Variants in MEOX2 observed in about 807,000 individuals in gnomAD.
MEOX2 encodes the protein mesenchyme homeobox 2.
In MEOX2, 11 loss-of-function variants were observed where a neutral mutation model predicts 27.0. The observed-to-expected ratio is 0.41, with a 90% CI of 0.26 to 0.68. The LOEUF (loss-of-function observed/expected upper bound fraction) is 0.68, where lower values mean the gene tolerates loss of function less well. MEOX2 is among the 30% of genes least tolerant of loss of function. The pLI, the probability that MEOX2 is intolerant of heterozygous loss-of-function variation, is 0.33. For missense variants in MEOX2, 436 were observed against 385.4 expected (o/e 1.13, Z -1.10); for synonymous variants, 189 against 155.4 (o/e 1.22, Z -1.61).
At chr7:15,651,235 C>T (rs1360935218) in intron 1 of MEOX2, among the ~76,000 whole-genome samples, 2 of 151,984 alleles carry the variant, frequency 1.3e-5, no homozygotes, top group African/African-American at 2.4e-5. Flanking sequence ...TCCCTCAATA[C>T]TGCTATGAAA....
chr7:15,626,396 C>A (rs1007834882), intron 2 of MEOX2, among the ~76,000 whole-genome samples: 1 of 151,942 alleles, frequency 6.6e-6, no homozygotes, highest in Non-Finnish European at 1.5e-5. Flanking sequence ...TCTGGGTTTA[C>A]CAACTTTCTA....
At chr7:15,625,669 A>T (rs1781291854) in intron 2 of MEOX2, among the ~76,000 whole-genome samples, 2 of 152,186 alleles carry the variant, frequency 1.3e-5, no homozygotes, top group African/African-American at 4.8e-5. Flanking sequence ...TAAGAGTGCC[A>T]ATCATAACTG....
chr7:15,641,766 A>T (rs887087959), intron 1 of MEOX2, among the ~76,000 whole-genome samples: 1 of 151,866 alleles, frequency 6.6e-6, no homozygotes, highest in African/African-American at 2.4e-5. Flanking sequence ...TTTTATTTCC[A>T]TTTTTAGAAC....
intron 1 of MEOX2, among the ~76,000 whole-genome samples, chr7:15,662,692 C>T (rs1261297728): frequency 1.3e-5 from 2 of 152,020 alleles, no homozygotes; most frequent in Non-Finnish European, 2.9e-5. Flanking sequence ...GGAGCAGGCC[C>T]CCATTCCTTC....
intron 1 of MEOX2, among the ~76,000 whole-genome samples, chr7:15,665,805 G>A (rs372725580): frequency 3.9e-5 from 6 of 152,128 alleles, no homozygotes; most frequent in South Asian, 2.1e-4. Flanking sequence ...CTGAAAGCGC[G>A]CAGCTGAATA....
chr7:15,684,724 C>T (rs1200359137), intron 1 of MEOX2, among the ~76,000 whole-genome samples: 1 of 152,174 alleles, frequency 6.6e-6, no homozygotes, highest in Non-Finnish European at 1.5e-5. Context: ...TAACCCAATT[C>T]CACAGAGGAA....
At chr7:15,623,419 G>A (rs1282352642) in intron 2 of MEOX2, among the ~76,000 whole-genome samples, 6 of 152,138 alleles carry the variant, frequency 3.9e-5, no homozygotes, top group Non-Finnish European at 7.3e-5. Context: ...ACCCAGGCAG[G>A]AGTGCAGTGG....
At chr7:15,651,503 T>C (rs1371897119) in intron 1 of MEOX2, among the ~76,000 whole-genome samples, 1 of 151,992 alleles carries the variant, frequency 6.6e-6, no homozygotes, top group Non-Finnish European at 1.5e-5. Flanking sequence ...CATAATAATA[T>C]CTAACCTCTA....
chr7:15,664,539 C>G (rs1222951868), intron 1 of MEOX2, among the ~76,000 whole-genome samples: 4 of 152,096 alleles, frequency 2.6e-5, no homozygotes, highest in Non-Finnish European at 5.9e-5. Context: ...AAGCAAGACC[C>G]CACCTTTCTA....
chr7:15,613,571 C>G (rs1300024262), intron 2 of MEOX2, among the ~76,000 whole-genome samples: 1 of 151,984 alleles, frequency 6.6e-6, no homozygotes, highest in Non-Finnish European at 1.5e-5. Context: ...TCTACCCCAC[C>G]TAAAAGTACC....
intron 1 of MEOX2, among the ~76,000 whole-genome samples, chr7:15,637,370 C>T (rs73302414): frequency 0.034 from 5,106 of 151,980 alleles, 142 homozygotes; most frequent in African/African-American, 0.081. Flanking sequence ...TAAGTTTCTT[C>T]CAGTTAGATA....
At chr7:15,628,512 G>A (rs1256502047) in intron 1 of MEOX2, among the ~76,000 whole-genome samples, 1 of 152,122 alleles carries the variant, frequency 6.6e-6, no homozygotes, top group Non-Finnish European at 1.5e-5. Flanking sequence ...TTCTGGGCTT[G>A]TCACTTATCC....
chr7:15,655,566 G>T (rs1255684100), intron 1 of MEOX2, among the ~76,000 whole-genome samples: 1 of 151,512 alleles, frequency 6.6e-6, no homozygotes, highest in African/African-American at 2.4e-5. Flanking sequence ...TAACAATGTT[G>T]TATTTTCATT....
chr7:15,652,388 A>G (rs1343504242), intron 1 of MEOX2, among the ~76,000 whole-genome samples: 1 of 152,078 alleles, frequency 6.6e-6, no homozygotes, highest in Admixed American at 6.6e-5. Context: ...ATATGTCACA[A>G]TATCTTTTGT....
At chr7:15,637,076 T>A (rs1161110142) in intron 1 of MEOX2, among the ~76,000 whole-genome samples, 1 of 152,120 alleles carries the variant, frequency 6.6e-6, no homozygotes, top group Admixed American at 6.6e-5. Context: ...CTAACTTTAA[T>A]ATTCTGTTGG....
rs542564379 is a variant in MEOX2 at position 15,637,323 on chromosome 7, G to A, written c.518-10405C>T. On this transcript the variant is annotated intron_variant, in intron 1 of 2. Coordinates refer to ENST00000262041, the MANE Select transcript of MEOX2 (RefSeq NM_005924.5). ...ATTCAGGCACTCAAAACTCACATAC[G>A]TCATAGGTTACATCTTATAATTTCT... Among the ~76,000 whole-genome samples the A allele has an allele frequency of 3.3e-5, 5 of 152,064 alleles. No homozygotes were observed. In the South Asian group the frequency reaches 6.2e-4, roughly 19 times the overall value.
intron 1 of MEOX2, chr7:15,680,934 G>A (rs1326431335): frequency 6.6e-6 from 1 of 151,418 alleles, no homozygotes; most frequent in Non-Finnish European, 1.5e-5. Context: ...TAACTGGCCA[G>A]TTGAGAATTA....
intron 1 of MEOX2, among the ~76,000 whole-genome samples, chr7:15,636,314 C>T (rs1396418379): frequency 6.6e-6 from 1 of 151,374 alleles, no homozygotes; most frequent in East Asian, 1.9e-4. Context: ...AGATTAATGA[C>T]CAAGAATTTA....
At chr7:15,616,600 T>C (rs891756444) in intron 2 of MEOX2, among the ~76,000 whole-genome samples, 1 of 151,938 alleles carries the variant, frequency 6.6e-6, no homozygotes, top group African/African-American at 2.4e-5. Context: ...AAACTTTTAG[T>C]TTTTGTTTTT....
Sources: gnomAD v4.1 joint callset for allele counts (sites outside exome capture counted in the v4.1 genomes callset) on GRCh38, gnomAD v4.1.1 for gene constraint, MANE v1.5 for transcripts, NCBI Gene and HGNC (gene_info 2026-07-23, HGNC 2026-07-21) for gene names.